WARS2: variants seen among roughly 807,000 people sequenced by gnomAD.
The protein encoded by WARS2 is tryptophan--tRNA ligase, mitochondrial.
A neutral mutation model predicts 36.5 loss-of-function variants in WARS2; 28 were observed. The observed-to-expected ratio is 0.77, with a 90% CI of 0.57 to 1.05. WARS2 has a LOEUF of 1.05. Among genes scored for constraint, WARS2 ranks in the 50% least tolerant of loss-of-function variants. The pLI is 0.00. For synonymous variants in WARS2, 174 were observed against 178.4 expected (o/e 0.98, Z 0.20); for missense variants, 435 against 456.8 (o/e 0.95, Z 0.44).
chr1:119,080,405 A>G (rs1206412978), intron 1 of WARS2, among the ~76,000 whole-genome samples: 1 of 152,206 alleles, frequency 6.6e-6, no homozygotes, highest in African/African-American at 2.4e-5. Context: ...CTGTGGGAAA[A>G]AAGTATTGTG....
At chr1:119,054,097 T>C (rs912840630) in intron 2 of WARS2, among the ~76,000 whole-genome samples, 7 of 149,784 alleles carry the variant, frequency 4.7e-5, no homozygotes, top group Admixed American at 4.7e-4. Context: ...TAATAAATTA[T>C]AATTTATTTA....
At chr1:119,086,442 C>T (rs922387332) in intron 1 of WARS2, among the ~76,000 whole-genome samples, 1 of 152,104 alleles carries the variant, frequency 6.6e-6, no homozygotes, top group Non-Finnish European at 1.5e-5. Context: ...TAACTGTGTA[C>T]CCTTTTTCAA....
At chr1:119,085,440 T>C in intron 1 of WARS2, 1 of 1,505,014 alleles carries the variant, frequency 6.6e-7, no homozygotes. Context: ...TACCTCCCAG[T>C]CAGTTGTCTC....
At chr1:119,045,790 G>T (rs1338374812) in intron 2 of WARS2, 128 bp from the exon 3 acceptor site, 2 of 729,308 alleles carry the variant, frequency 2.7e-6, no homozygotes, top group African/African-American at 1.8e-5. Context: ...AAGAACAGGT[G>T]AAGGGGGCTT....
At chr1:119,037,786 C>T (rs1001383943) in intron 4 of WARS2, among the ~76,000 whole-genome samples, 2 of 152,128 alleles carry the variant, frequency 1.3e-5, no homozygotes, top group Non-Finnish European at 2.9e-5. Flanking sequence ...ATCGGGTCAT[C>T]CCTGACACCT....
intron 1 of WARS2, among the ~76,000 whole-genome samples, chr1:119,132,365 C>T (rs991481242): frequency 2.0e-5 from 3 of 152,164 alleles, no homozygotes; most frequent in African/African-American, 7.2e-5. Context: ...TAGCTAGTAG[C>T]CAGTCGGTGG....
In WARS2 at chr1:119,113,732, T is replaced by A. The variant is rs192445358; in HGVS notation, c.90+26823A>T. Among the ~76,000 whole-genome samples the A allele has an allele frequency of 8.6e-4, 131 of 152,238 alleles. 1 individual carries two copies. In the East Asian group the frequency reaches 0.022, roughly 25 times the overall value. On this transcript the variant is annotated intron_variant, in intron 1 of 5. Transcript: ENST00000235521. ...TTTGGAGTTTACCTTCTCATGGAGA[T>A]TGAGCCTCTTGGCTCTTTCCAACAC...
intron 1 of WARS2, among the ~76,000 whole-genome samples, chr1:119,103,184 T>G (rs1653992320): frequency 6.6e-6 from 1 of 152,230 alleles, no homozygotes; most frequent in African/African-American, 2.4e-5. Flanking sequence ...TTTGCTTGTT[T>G]GTTGGTTGGT....
chr1:119,135,644 AC>A (rs1262569565), intron 1 of WARS2, among the ~76,000 whole-genome samples: 2 of 152,228 alleles, frequency 1.3e-5, no homozygotes, highest in East Asian at 3.8e-4. Flanking sequence ...AGACTTTAGC[AC>A]ATAGCAGGCA....
intron 1 of WARS2, among the ~76,000 whole-genome samples, chr1:119,078,928 G>A (rs1651977766): frequency 6.8e-6 from 1 of 147,900 alleles, no homozygotes; most frequent in Admixed American, 6.7e-5. Flanking sequence ...GTGCATATAT[G>A]GATACATACA....
intron 1 of WARS2, among the ~76,000 whole-genome samples, chr1:119,123,133 C>A (rs973487523): frequency 6.6e-5 from 10 of 152,298 alleles, no homozygotes; most frequent in African/African-American, 2.4e-4. Context: ...GAGGACAAGA[C>A]TTAATACACT....
At chr1:119,067,900 T>C (rs186247180) in intron 2 of WARS2, among the ~76,000 whole-genome samples, 3 of 152,190 alleles carry the variant, frequency 2.0e-5, no homozygotes, top group South Asian at 2.1e-4. Context: ...ATGTCCAGGA[T>C]AGAAGTAACA....
chr1:119,117,841 A>C (rs1361075201), intron 1 of WARS2, among the ~76,000 whole-genome samples: 1 of 152,152 alleles, frequency 6.6e-6, no homozygotes, highest in Non-Finnish European at 1.5e-5. Context: ...CAATAACTGC[A>C]GTCTGGCTCT....
At chr1:119,113,457 A>C (rs978069422) in intron 1 of WARS2, among the ~76,000 whole-genome samples, 2 of 152,148 alleles carry the variant, frequency 1.3e-5, no homozygotes, top group South Asian at 4.1e-4. Context: ...GGTTTGTGTC[A>C]CCCCAAAGCT....
chr1:119,100,634 C>T (rs998567799), intron 1 of WARS2, among the ~76,000 whole-genome samples: 3 of 152,102 alleles, frequency 2.0e-5, no homozygotes, highest in Admixed American at 2.0e-4. Context: ...AAAATCCTTT[C>T]ATTTACAGCA....
intron 1 of WARS2, among the ~76,000 whole-genome samples, chr1:119,097,494 C>CTGGAATCCCT: frequency 6.6e-6 from 1 of 152,266 alleles, no homozygotes; most frequent in East Asian, 1.9e-4. Flanking sequence ...TTCTCTCTGC[C>CTGGAATCCCT]TGGAATCCCT....
intron 4 of WARS2, among the ~76,000 whole-genome samples, chr1:119,036,422 C>T (rs1647890924): frequency 6.6e-6 from 1 of 152,152 alleles, no homozygotes; most frequent in Non-Finnish European, 1.5e-5. Flanking sequence ...GCAGACACCC[C>T]ACCTTTGTAA....
chr1:119,039,179 G>A (rs938837426), intron 4 of WARS2, among the ~76,000 whole-genome samples: 1 of 152,182 alleles, frequency 6.6e-6, no homozygotes, highest in African/African-American at 2.4e-5. Flanking sequence ...AATAGATAAT[G>A]AGTGTGTAGC....
chr1:119,134,319 C>CAAAAAAAAAAAAAAAAAAAAAAAA (rs761321480), intron 1 of WARS2, among the ~76,000 whole-genome samples: 3 of 65,878 alleles, frequency 4.6e-5, no homozygotes, highest in Admixed American at 2.3e-4. Flanking sequence ...GGCAAAGGGG[C>CAAAAAAAAAAAAAAAAAAAAAAAA]AAAAAAAAAA....
Sources: gnomAD v4.1 joint callset for allele counts (sites outside exome capture counted in the v4.1 genomes callset) on GRCh38, gnomAD v4.1.1 for gene constraint, MANE v1.5 for transcripts, NCBI Gene and HGNC (gene_info 2026-07-23, HGNC 2026-07-21) for gene names.